The following ERN1 variants were observed in gnomAD, a reference collection of about 807,000 sequenced individuals.
ERN1 encodes serine/threonine-protein kinase/endoribonuclease IRE1.
Under a neutral mutation model 113.1 loss-of-function variants are expected in ERN1, and 39 were observed. That is an observed-to-expected ratio of 0.34 (90% CI 0.27 to 0.45). The LOEUF is 0.45. Among genes scored for constraint, ERN1 ranks in the 20% least tolerant of loss-of-function variants. The pLI, the probability that ERN1 is intolerant of heterozygous loss-of-function variation, is 1.00. For synonymous variants in ERN1, 507 were observed against 515.9 expected (o/e 0.98, Z 0.23); for missense variants, 976 against 1,274.8 (o/e 0.77, Z 3.57).
chr17:64,045,443 G>T lies in ERN1; in HGVS notation c.2569C>A (p.Pro857Thr). The stretch of plus-strand genomic sequence containing the variant: ...CCTCTCTCTAACTGCTTCACGATCG[G>T]GCCATCCAGGGATTCCTTTTCTATT... ...DRIEKESLDG[P>T]IVKQLERGGR... The change falls in exon 20 of 22, where the codon CCG (proline) becomes ACG (threonine). Residue 857 changes from proline (P) to threonine (T), a missense_variant. By Grantham distance (38) the Pro-to-Thr change is conservative. Transcript: ENST00000433197. The T allele has an allele frequency of 6.2e-7, 1 of 1,613,944 alleles. No individual in the cohort carries two copies. The highest frequency in any genetic ancestry group is 8.5e-7 in the Non-Finnish European group (1 of 1,179,878).
intron 8 of ERN1, among the ~76,000 whole-genome samples, chr17:64,066,015 C>T (rs188490342): frequency 1.3e-5 from 2 of 152,072 alleles, no homozygotes; most frequent in Admixed American, 1.3e-4. Flanking sequence ...CACTTGCCGG[C>T]ATATTATCTT....
At chr17:64,065,938 A>T (rs893885684) in intron 8 of ERN1, among the ~76,000 whole-genome samples, 1 of 152,184 alleles carries the variant, frequency 6.6e-6, no homozygotes, top group Non-Finnish European at 1.5e-5. Context: ...GGGATCGGTC[A>T]TCCACTACAT....
chr17:64,057,729 T>G, intron 12 of ERN1, 73 bp downstream of exon 12: 1 of 1,380,584 alleles, frequency 7.2e-7, no homozygotes, highest in Non-Finnish European at 1.0e-6. Flanking sequence ...TGTCTGGATC[T>G]CACTGACATG....
intron 4 of ERN1, among the ~76,000 whole-genome samples, chr17:64,077,234 C>T (rs889667857): frequency 2.0e-5 from 3 of 152,168 alleles, no homozygotes; most frequent in Admixed American, 6.5e-5. Context: ...CCACTTACAG[C>T]CTAGATCAGT....
chr17:64,064,710 G>A (rs1382625537), intron 9 of ERN1, among the ~76,000 whole-genome samples: 1 of 152,200 alleles, frequency 6.6e-6, no homozygotes, highest in African/African-American at 2.4e-5. Context: ...AGGCTTGTGA[G>A]GCCCAAGGAG....
chr17:64,104,679 C>T (rs776767899), intron 1 of ERN1, among the ~76,000 whole-genome samples: 8 of 151,928 alleles, frequency 5.3e-5, no homozygotes, highest in South Asian at 2.1e-4. Flanking sequence ...ATTAGCCAGG[C>T]GTGGTGGTGC....
chr17:64,049,105 T>C lies in ERN1; in HGVS notation c.2351A>G (p.Asn784Ser). Residue 784 changes from asparagine to serine, a missense_variant, in exon 18 of 22, where the codon AAC (asparagine) becomes AGC (serine). Physicochemically the swap from Asn to Ser is conservative, Grantham distance 46 (BLOSUM62 1). Around this residue, in one of 5 missense-constraint regions of ERN1, gnomAD observed 297 missense variants for 457.8 expected, o/e 0.65. Coordinates refer to ENST00000433197, the MANE Select transcript of ERN1 (RefSeq NM_001433.5). This position sits in a 1 kb window ranked among gnomAD's most constrained non-coding sequence, Gnocchi z 4.7. ...AAGGCTGCAGGCACCCAGGAGGATG[T>C]TGGCCTGCCGCTGCAGGGACTTGCC... is the stretch of plus-strand genomic sequence containing the variant. ...PFGKSLQRQA[N>S]ILLGACSLDC... The C allele has an allele frequency of 1.9e-6, 3 of 1,609,998 alleles. No homozygotes were observed. Among genetic ancestry groups the C allele is most frequent in the Admixed American group, 1.7e-5 (1 of 59,906 alleles).
At chr17:64,073,335 A>AT (rs201213734) in intron 5 of ERN1, among the ~76,000 whole-genome samples, 5,508 of 134,970 alleles carry the variant, frequency 0.041, 397 homozygotes, top group African/African-American at 0.14. Flanking sequence ...CACCCAGCAA[A>AT]TTTTTTTTTT....
chr17:64,075,073 T>C (rs542898953), intron 5 of ERN1, 102 bp downstream of exon 5: 3 of 960,390 alleles, frequency 3.1e-6, no homozygotes, highest in East Asian at 2.7e-5. Context: ...AAAGAAAGGG[T>C]TGGCAAGGCG....
chr17:64,074,797 G>A (rs1197787572), intron 5 of ERN1, among the ~76,000 whole-genome samples: 1 of 152,224 alleles, frequency 6.6e-6, no homozygotes, highest in East Asian at 1.9e-4. Flanking sequence ...TCTGATAGCA[G>A]GAAATACTAA....
rs1348725852 is a variant in ERN1, at chr17:64,063,911, C to A, written c.1087+75G>T. On this transcript the variant is annotated intron_variant, in intron 10 of 21. Transcript: ENST00000433197. This position sits in a 1 kb window ranked among gnomAD's most constrained non-coding sequence, Gnocchi z 5.1. Reference sequence around the variant, plus strand: ...GCCTTCCGAGCTCAGTACGGTGTAACTACCAGGGCCGGCGGTCGCCCACCA... The same window carrying A: ...GCCTTCCGAGCTCAGTACGGTGTAAATACCAGGGCCGGCGGTCGCCCACCA... 3.4e-6 allele frequency: 5 copies of A among 1,453,676 alleles called. No homozygotes were observed. Among genetic ancestry groups the A allele is most frequent in the Non-Finnish European group, 3.8e-6 (4 of 1,053,848 alleles). 90.0% of individuals were successfully genotyped at this position (1,453,676 alleles called of 1,614,324 possible).
rs747247889 is a variant in ERN1, at chr17:64,049,048, C to T, written c.2401+7G>A. The T allele has an allele frequency of 1.3e-5, 20 of 1,577,164 alleles. No individual in the cohort carries two copies. The highest frequency in any genetic ancestry group is 4.6e-5 in the East Asian group (2 of 43,786). On this transcript the variant is annotated splice_region_variant and intron_variant, in intron 18 of 21. Transcript: ENST00000433197. This position sits in a 1 kb window ranked among gnomAD's most constrained non-coding sequence, Gnocchi z 4.7. ...CTGCTCCCAACCCCAACCCCTGGAC[C>T]GCTCACCGTGCTTCTCTGGGTGCAA...
At chr17:64,111,296 A>G (rs1459734478) in intron 1 of ERN1, among the ~76,000 whole-genome samples, 2 of 151,612 alleles carry the variant, frequency 1.3e-5, no homozygotes, top group South Asian at 2.1e-4. Flanking sequence ...TTTCCCAGGA[A>G]TCTCTCTTTC....
Position 64,049,026 on chromosome 17 carries a change from C to A in ERN1, c.2401+29G>T. 1 of 1,533,404 alleles carries A rather than the reference C, an allele frequency of 6.5e-7. No homozygotes were observed. The highest frequency in any genetic ancestry group is 8.8e-7 in the Non-Finnish European group (1 of 1,130,348). The allele number at this position is 1,533,404 out of a possible 1,614,324, so 95.0% of individuals were successfully genotyped here. On this transcript the variant is annotated intron_variant, in intron 18 of 21. Transcript: ENST00000433197. This position sits in a 1 kb window ranked among gnomAD's most constrained non-coding sequence, Gnocchi z 4.7. ...GCCACCTGAGGCAGCTGAGGAGCTG[C>A]TCCCAACCCCAACCCCTGGACCGCT...
rs1360017814 is a variant in ERN1 at position 64,049,226 on chromosome 17, G to A, written c.2254-24C>T. 1 of 1,550,930 alleles carries A rather than the reference G, an allele frequency of 6.4e-7. No individual in the cohort carries two copies. Among genetic ancestry groups the A allele is most frequent in the Non-Finnish European group, 8.8e-7 (1 of 1,138,078 alleles). ...GTCTGAAAAGAGACATGAGGCGTGA[G>A]AGGTCTGGGAGCAGAGTTTTCATCC... On this transcript the variant is annotated intron_variant, in intron 17 of 21. Coordinates refer to ENST00000433197, the MANE Select transcript of ERN1 (RefSeq NM_001433.5). This position sits in a 1 kb window ranked among gnomAD's most constrained non-coding sequence, Gnocchi z 4.7.
intron 16 of ERN1, 35 bp downstream of exon 16, chr17:64,053,237 C>T: frequency 6.5e-7 from 1 of 1,536,174 alleles, no homozygotes; most frequent in East Asian, 2.3e-5. Flanking sequence ...TTCTCCCCAC[C>T]CGGGCCGCTG....
chr17:64,062,196 T>C (rs997503326), intron 10 of ERN1, among the ~76,000 whole-genome samples: 2 of 152,242 alleles, frequency 1.3e-5, no homozygotes, highest in Non-Finnish European at 2.9e-5. Context: ...CTCCCGGGCT[T>C]ATATATGCCT....
chr17:64,102,866 T>A, intron 1 of ERN1: 1 of 985,172 alleles, frequency 1.0e-6, no homozygotes, highest in Non-Finnish European at 1.2e-6. Context: ...CCATTTGAAA[T>A]TTGATTCAGT....
chr17:64,044,238 GT>G lies in ERN1; in HGVS notation c.2722-39del. 7.1e-7 allele frequency: 1 copy of G among 1,401,656 alleles called. No homozygotes were observed. The highest frequency in any genetic ancestry group is 9.5e-7 in the Non-Finnish European group (1 of 1,050,526). The allele number at this position is 1,401,656 out of a possible 1,614,324, so 86.8% of individuals were successfully genotyped here. A position where few individuals can be genotyped will look rare whatever the true frequency, so the allele number is the denominator to read the frequency against. On this transcript the variant is annotated intron_variant, in intron 21 of 21. Coordinates refer to ENST00000433197, the MANE Select transcript of ERN1 (RefSeq NM_001433.5). The surrounding 1 kb of genome is among the most constrained non-coding windows in gnomAD (Gnocchi z 4.1). ...AGAAAGCTCGGGAGATTAGAAAGGG[GT>G]TAGAAAGCTCGGGAAATGTTGGCAA...
Sources: allele counts gnomAD v4.1 joint callset (sites outside exome capture counted in the v4.1 genomes callset), GRCh38; gene constraint gnomAD v4.1.1; regional missense constraint gnomAD v4.1.1; non-coding constraint Gnocchi (gnomAD v3.1); transcripts MANE v1.5; gene names NCBI Gene and HGNC (gene_info 2026-07-23, HGNC 2026-07-21).